Variants in RAPGEF6 observed in about 807,000 individuals in gnomAD.
The protein encoded by RAPGEF6 is PDZ domain containing guanine nucleotide exchange factor (GEF) 2.
A neutral mutation model predicts 171.4 loss-of-function variants in RAPGEF6; 56 were observed. The observed-to-expected ratio is 0.33, with a 90% CI of 0.26 to 0.41. The LOEUF (loss-of-function observed/expected upper bound fraction) is 0.41, where lower values mean the gene tolerates loss of function less well. Among genes scored for constraint, RAPGEF6 ranks in the 10% least tolerant of loss-of-function variants. The pLI is 1.00. For synonymous variants in RAPGEF6, 692 were observed against 650.1 expected (o/e 1.06, Z -0.98); for missense variants, 1,674 against 1,921.4 (o/e 0.87, Z 2.41).
At chr5:131,484,222 CT>C (rs751000560) in intron 15 of RAPGEF6, among the ~76,000 whole-genome samples, 51 of 74,108 alleles carry the variant, frequency 6.9e-4, no homozygotes, top group South Asian at 2.2e-3. Context: ...ACTGCAGAGG[CT>C]TTTTTTTTTT....
chr5:131,446,901 G>A (rs1752752744), intron 21 of RAPGEF6, 198 bp from the exon 22 acceptor site: 6 of 548,534 alleles, frequency 1.1e-5, no homozygotes, highest in Middle Eastern at 5.0e-4. Flanking sequence ...GCAAAGTACA[G>A]AATTCAAAAG....
At chr5:131,463,336 T>C (rs1754070128) in intron 18 of RAPGEF6, among the ~76,000 whole-genome samples, 1 of 152,136 alleles carries the variant, frequency 6.6e-6, no homozygotes. Flanking sequence ...GCCAGCACTT[T>C]GGGAGGCTGA....
At chr5:131,613,655 C>T (rs1221712699) in intron 1 of RAPGEF6, among the ~76,000 whole-genome samples, 2 of 151,908 alleles carry the variant, frequency 1.3e-5, no homozygotes, top group Admixed American at 1.3e-4. Context: ...ACAAAAATAG[C>T]TGGTCATATT....
Position 131,529,074 on chromosome 5 carries a change from C to T in RAPGEF6, c.496-7553G>A, listed in dbSNP as rs116144749. ...CTCTAACAGATCAGGAAGATGAGCT[C>T]CCAACTAAGAACCACTTAAGTCAAC... is the stretch of plus-strand genomic sequence containing the variant. On this transcript the variant is annotated intron_variant, in intron 6 of 27. Transcript: ENST00000509018. 5.8e-3 allele frequency among the ~76,000 whole-genome samples: 883 copies of T among 151,982 alleles called. 9 individuals are homozygous for T. Among genetic ancestry groups the T allele is most frequent in the African/African-American group, 0.021 (855 of 41,404 alleles).
Position 131,426,754 on chromosome 5 carries a change from A to C in RAPGEF6, c.*512T>G. On this transcript the variant is annotated 3_prime_UTR_variant, in exon 28 of 28. Coordinates refer to ENST00000509018, the MANE Select transcript of RAPGEF6 (RefSeq NM_016340.6). ...GTTTGGTCAGACCAGAGACAATTTT[A>C]TGACCTCAAACATGAATATCAGCTA... 1.2e-5 allele frequency: 2 copies of C among 171,744 alleles called. No homozygotes were observed. The highest frequency in any genetic ancestry group is 6.3e-5 in the Admixed American group (1 of 15,808). The allele number at this position is 171,744 out of a possible 1,614,324, so 10.6% of individuals were successfully genotyped here. A position where few individuals can be genotyped will look rare whatever the true frequency, so the allele number is the denominator to read the frequency against.
At chr5:131,501,919 G>A (rs567086955) in intron 11 of RAPGEF6, among the ~76,000 whole-genome samples, 1 of 152,230 alleles carries the variant, frequency 6.6e-6, no homozygotes, top group African/African-American at 2.4e-5. Context: ...TCCTAGCTCT[G>A]ATGAAAGACT....
chr5:131,520,004 T>C (rs1278489406), intron 7 of RAPGEF6, among the ~76,000 whole-genome samples: 2 of 152,180 alleles, frequency 1.3e-5, no homozygotes, highest in Admixed American at 1.3e-4. Context: ...AAAAATTCCT[T>C]GTTCTGTATA....
intron 1 of RAPGEF6, among the ~76,000 whole-genome samples, chr5:131,617,114 G>A (rs1765312160): frequency 6.6e-6 from 1 of 152,164 alleles, no homozygotes; most frequent in African/African-American, 2.4e-5. Context: ...GTTATGCTGA[G>A]GAATCTTCTA....
intron 11 of RAPGEF6, among the ~76,000 whole-genome samples, chr5:131,498,955 T>A (rs1756828761): frequency 6.6e-6 from 1 of 152,130 alleles, no homozygotes; most frequent in Non-Finnish European, 1.5e-5. Flanking sequence ...GGCATGTATT[T>A]ATTGTCTCAA....
chr5:131,521,899 T>A (rs1235914197), intron 6 of RAPGEF6, among the ~76,000 whole-genome samples: 28 of 139,324 alleles, frequency 2.0e-4, no homozygotes, highest in Non-Finnish European at 3.6e-4. Context: ...ACACTCTCTC[T>A]CTCTCTCACA....
chr5:131,438,062 C>G (rs1752128977), intron 24 of RAPGEF6, among the ~76,000 whole-genome samples: 1 of 152,114 alleles, frequency 6.6e-6, no homozygotes, highest in African/African-American at 2.4e-5. Context: ...GATCTTGGCT[C>G]ACTGCAACCT....
At chr5:131,553,201 G>A (rs1761029559) in intron 5 of RAPGEF6, among the ~76,000 whole-genome samples, 1 of 152,138 alleles carries the variant, frequency 6.6e-6, no homozygotes, top group South Asian at 2.1e-4. Flanking sequence ...AAACTGAGTG[G>A]AGCAGGAACA....
intron 9 of RAPGEF6, among the ~76,000 whole-genome samples, chr5:131,507,566 C>A (rs986798810): frequency 6.6e-6 from 1 of 152,084 alleles, no homozygotes; most frequent in South Asian, 2.1e-4. Flanking sequence ...AGCTGTCATC[C>A]GAGCATTTTT....
intron 4 of RAPGEF6, among the ~76,000 whole-genome samples, chr5:131,568,336 AT>A (rs34309602): frequency 0.77 from 113,857 of 147,798 alleles, 43,863 homozygotes; most frequent in Middle Eastern, 0.83. Context: ...TATTTTTGTT[AT>A]TTTTTTTTTT....
chr5:131,515,033 A>G (rs770895233), intron 7 of RAPGEF6, among the ~76,000 whole-genome samples: 3 of 152,096 alleles, frequency 2.0e-5, no homozygotes, highest in Non-Finnish European at 4.4e-5. Context: ...GTCTGAGGTG[A>G]TTTTCTGATG....
intron 24 of RAPGEF6, among the ~76,000 whole-genome samples, chr5:131,434,014 T>TA (rs1340673063): frequency 6.6e-6 from 1 of 152,156 alleles, no homozygotes; most frequent in African/African-American, 2.4e-5. Context: ...TACATGTCTT[T>TA]AGGGTTTCTC....
At chr5:131,445,210 T>C (rs1245904700) in intron 22 of RAPGEF6, among the ~76,000 whole-genome samples, 2 of 152,200 alleles carry the variant, frequency 1.3e-5, no homozygotes, top group South Asian at 2.1e-4. Context: ...TTTTCTTATA[T>C]GCAGAAGCAT....
At chr5:131,552,780 CAT>C (rs936461384) in intron 5 of RAPGEF6, among the ~76,000 whole-genome samples, 4 of 152,000 alleles carry the variant, frequency 2.6e-5, no homozygotes, top group East Asian at 1.9e-4. Context: ...GCAACTTTAA[CAT>C]AAACCTCAAA....
At chr5:131,605,577 T>C (rs531901694) in intron 1 of RAPGEF6, among the ~76,000 whole-genome samples, 1 of 152,360 alleles carries the variant, frequency 6.6e-6, no homozygotes, top group East Asian at 1.9e-4. Flanking sequence ...TGAGGAATAA[T>C]GCCTTTATAC....
Sources: gnomAD v4.1 joint callset for allele counts (sites outside exome capture counted in the v4.1 genomes callset) on GRCh38, gnomAD v4.1.1 for gene constraint, MANE v1.5 for transcripts, NCBI Gene and HGNC (gene_info 2026-07-23, HGNC 2026-07-21) for gene names.